The following SORCS2 variants were observed in gnomAD, a reference collection of about 807,000 sequenced individuals.
SORCS2 encodes sortilin related VPS10 domain containing receptor 2.
In SORCS2, 100 loss-of-function variants were observed where a neutral mutation model predicts 141.6. The observed-to-expected ratio is 0.71, with a 90% CI of 0.60 to 0.83. SORCS2 has a LOEUF of 0.83. SORCS2 is among the 40% of genes least tolerant of loss of function. The pLI, the probability that SORCS2 is intolerant of heterozygous loss-of-function variation, is 0.00. For synonymous variants in SORCS2, 789 were observed against 676.9 expected (o/e 1.17, Z -2.57); for missense variants, 1,646 against 1,560.2 (o/e 1.05, Z -0.93).
At chr4:7,302,362 A>G (rs529544477) in intron 1 of SORCS2, among the ~76,000 whole-genome samples, 2 of 152,332 alleles carry the variant, frequency 1.3e-5, no homozygotes, top group South Asian at 4.1e-4. Context: ...AGAAAAGCCA[A>G]GGTCACGACC....
intron 1 of SORCS2, among the ~76,000 whole-genome samples, chr4:7,318,607 C>T (rs934285369): frequency 2.0e-5 from 3 of 152,114 alleles, no homozygotes; most frequent in Admixed American, 6.5e-5. Flanking sequence ...AAAGATTAAA[C>T]GAGCTAAGCC....
chr4:7,542,189 C>A (rs1298269342), intron 3 of SORCS2, among the ~76,000 whole-genome samples: 1 of 152,168 alleles, frequency 6.6e-6, no homozygotes, highest in Non-Finnish European at 1.5e-5. Context: ...CCCCGCCTGC[C>A]CTATCTTAAA....
intron 2 of SORCS2, among the ~76,000 whole-genome samples, chr4:7,454,518 C>T (rs1210985636): frequency 8.9e-6 from 1 of 112,086 alleles, no homozygotes; most frequent in Admixed American, 9.4e-5. Context: ...GGGTCAGATG[C>T]TGTGTTGGGG....
intron 2 of SORCS2, among the ~76,000 whole-genome samples, chr4:7,471,233 C>G (rs930243501): frequency 6.6e-6 from 1 of 152,262 alleles, no homozygotes; most frequent in Non-Finnish European, 1.5e-5. Context: ...CCCCGCTCCG[C>G]TCAGCTCCTG....
At chr4:7,361,867 C>T (rs1721602286) in intron 1 of SORCS2, among the ~76,000 whole-genome samples, 1 of 150,370 alleles carries the variant, frequency 6.7e-6, no homozygotes, top group Admixed American at 6.6e-5. Context: ...CTGAGTGTGG[C>T]CCCGGACAGG....
intron 3 of SORCS2, 138 bp downstream of exon 3, chr4:7,531,767 T>A (rs886329048): frequency 1.2e-6 from 1 of 809,910 alleles, no homozygotes; most frequent in Middle Eastern, 2.5e-4. Context: ...CCCTCCCAGC[T>A]CTCACTGCCA....
At chr4:7,256,750 T>G in intron 1 of SORCS2, among the ~76,000 whole-genome samples, 2 of 99,866 alleles carry the variant, frequency 2.0e-5, no homozygotes, top group Non-Finnish European at 2.0e-5. Flanking sequence ...GTTGGGACTA[T>G]GGGGGTGTCG....
intron 2 of SORCS2, among the ~76,000 whole-genome samples, chr4:7,422,545 G>A (rs542691766): frequency 6.6e-6 from 1 of 152,252 alleles, no homozygotes; most frequent in East Asian, 1.9e-4. Context: ...GGGGGCAGAG[G>A]TGGGGTGGTC....
chr4:7,529,476 G>C (rs572146054), intron 2 of SORCS2, among the ~76,000 whole-genome samples: 38 of 152,356 alleles, frequency 2.5e-4, no homozygotes, highest in Middle Eastern at 3.4e-3. Flanking sequence ...AGGAGCTCTG[G>C]AGTTTGCAGG....
At chr4:7,708,208 T>C (rs1393299276) in intron 14 of SORCS2, among the ~76,000 whole-genome samples, 1 of 152,222 alleles carries the variant, frequency 6.6e-6, no homozygotes, top group Non-Finnish European at 1.5e-5. Context: ...GCCTTCTTGC[T>C]TCCTGGGTGA....
intron 3 of SORCS2, among the ~76,000 whole-genome samples, chr4:7,585,162 C>T (rs1299210019): frequency 6.6e-6 from 1 of 152,174 alleles, no homozygotes; most frequent in African/African-American, 2.4e-5. Flanking sequence ...CTCTCTGGGA[C>T]TTATTTTCTT....
intron 2 of SORCS2, among the ~76,000 whole-genome samples, chr4:7,529,130 A>C (rs1371896528): frequency 6.6e-6 from 1 of 152,094 alleles, no homozygotes; most frequent in Non-Finnish European, 1.5e-5. Flanking sequence ...GGTGCACAGG[A>C]ATTTGGGGAA....
intron 3 of SORCS2, among the ~76,000 whole-genome samples, chr4:7,544,325 G>C (rs547573409): frequency 6.6e-6 from 1 of 152,368 alleles, no homozygotes; most frequent in Admixed American, 6.5e-5. Flanking sequence ...TTGGTGAGCA[G>C]GGACAGGGTT....
intron 2 of SORCS2, among the ~76,000 whole-genome samples, chr4:7,435,456 C>T (rs562340215): frequency 6.6e-6 from 1 of 152,370 alleles, no homozygotes; most frequent in African/African-American, 2.4e-5. Context: ...CTGCCCCTGG[C>T]TGTGCTGTTT....
rs1715760048 is a variant in SORCS2, at chr4:7,576,465, C to G, written c.648+44836C>G. On this transcript the variant is annotated intron_variant, in intron 3 of 26. Transcript: ENST00000507866. ...GCAAGTCACAACAGCCATCGAGTGC[C>G]TGCTAGAGCCAAGCCCTGTGGGACT... Among the ~76,000 whole-genome samples, 3 of 152,200 alleles carry G rather than the reference C, an allele frequency of 2.0e-5. No individual in the cohort carries two copies. The South Asian group carries it at 6.2e-4, about 32-fold the overall frequency.
intron 1 of SORCS2, among the ~76,000 whole-genome samples, chr4:7,305,421 G>A (rs941499121): frequency 2.1e-4 from 32 of 151,878 alleles, no homozygotes; most frequent in African/African-American, 7.5e-4. Flanking sequence ...GAGAAGGAGG[G>A]GTGCCCGGCC....
Position 7,442,816 on chromosome 4 carries a change from A to AC in SORCS2, c.548+46463dup, listed in dbSNP as rs551508095. 1.3e-3 allele frequency among the ~76,000 whole-genome samples: 200 copies of AC among 151,826 alleles called. 1 individual carries two copies. The highest frequency in any genetic ancestry group is 4.7e-3 in the African/African-American group (194 of 41,348). ...GTTCCTCAGGCTGACAAAACAGTGT[A>AC]CCACAGACGGGGTGGCCGAAAACAA... On this transcript the variant is annotated intron_variant, in intron 2 of 26. Transcript: ENST00000507866.
Position 7,738,684 on chromosome 4 carries a change from C to T in SORCS2, c.3415+1512C>T, listed in dbSNP as rs553101409. Among the ~76,000 whole-genome samples the T allele has an allele frequency of 9.9e-4, 151 of 152,276 alleles. 1 individual carries two copies. Among genetic ancestry groups the T allele is most frequent in the Admixed American group, 2.1e-3 (32 of 15,302 alleles). ...TCGAGCGTCACTCACACTCTGCATC[C>T]GGGACATCCTCAGAACGTGAGCGGC... On this transcript the variant is annotated intron_variant, in intron 26 of 26. Transcript: ENST00000507866.
intron 2 of SORCS2, among the ~76,000 whole-genome samples, chr4:7,478,818 T>C (rs1730455224): frequency 6.6e-6 from 1 of 152,174 alleles, no homozygotes; most frequent in African/African-American, 2.4e-5. Context: ...ACTCGGCCCA[T>C]GACAGGGGAG....
Sources: allele counts gnomAD v4.1 joint callset (sites outside exome capture counted in the v4.1 genomes callset), GRCh38; gene constraint gnomAD v4.1.1; transcripts MANE v1.5; gene names NCBI Gene and HGNC (gene_info 2026-07-23, HGNC 2026-07-21).